PRMT8: variants seen among roughly 807,000 people sequenced by gnomAD.
PRMT8 encodes protein arginine N-methyltransferase 8.
Under a neutral mutation model 47.1 loss-of-function variants are expected in PRMT8, and 7 were observed. The ratio of observed to expected loss-of-function variants is 0.15; its 90% CI spans 0.08 to 0.28. PRMT8 has a LOEUF of 0.28. Ranked by LOEUF, PRMT8 falls within the 10% of genes least tolerant of loss-of-function variation. The probability of loss-of-function intolerance (pLI) is 1.00; values close to 1 mark genes in which losing one functional copy is unlikely to be tolerated. For missense variants in PRMT8, 237 were observed against 505.4 expected, an observed-to-expected ratio of 0.47 and a Z score of 5.09; for synonymous variants, 188 against 186.5, an observed-to-expected ratio of 1.01 and a Z score of -0.07.
chr12:3,437,338 T>C (rs1304776897), intron 1 of PRMT8, among the ~76,000 whole-genome samples: 2 of 152,206 alleles, frequency 1.3e-5, no homozygotes, highest in South Asian at 2.1e-4. Flanking sequence ...ATGGGTATTG[T>C]ACAATTTAGT....
Position 3,540,626 on chromosome 12 carries a change from GC to G in PRMT8, c.103del (p.Gln35SerfsTer31), listed in dbSNP as rs752965318. On this transcript the variant is annotated frameshift_variant, in exon 2 of 10. Coordinates refer to ENST00000382622, the MANE Select transcript of PRMT8 (RefSeq NM_019854.5). LOFTEE classifies it high-confidence loss of function. Reference sequence around the variant, plus strand: ...CTCAGGTGAACAGCCCCCCCTCCCAGCCCCCCCAGCCCGTCGTCCCTGCTAA... The same window carrying G: ...CTCAGGTGAACAGCCCCCCCTCCCAGCCCCCCAGCCCGTCGTCCCTGCTAA... Reference protein sequence around the residue: ...STEVNSPPSQPPQPVVPAKPV... With the variant: ...STEVNSPPSQXPQPVVPAKPV... 2.2e-5 allele frequency: 9 copies of G among 404,370 alleles called. No homozygotes were observed. The highest frequency in any genetic ancestry group is 3.8e-5 in the Non-Finnish European group (9 of 236,902). The allele number at this position is 404,370 out of a possible 1,614,324, so 25.0% of individuals were successfully genotyped here.
chr12:3,510,554 A>G (rs1176847556), intron 1 of PRMT8, among the ~76,000 whole-genome samples: 1 of 152,134 alleles, frequency 6.6e-6, no homozygotes, highest in Non-Finnish European at 1.5e-5. Context: ...TCAATGAAAA[A>G]ATTAAATTGA....
chr12:3,568,196 A>G (rs1382648879), intron 4 of PRMT8, among the ~76,000 whole-genome samples: 1 of 152,182 alleles, frequency 6.6e-6, no homozygotes, highest in Admixed American at 6.5e-5. Flanking sequence ...TATATTTACC[A>G]CTCACTGAGT....
rs1864311252 is a variant in PRMT8 at position 3,401,132 on chromosome 12, A to AGC, written c.48+19692_48+19693dup. Among the ~76,000 whole-genome samples the AGC allele has an allele frequency of 3.7e-5, 5 of 133,840 alleles. No individual in the cohort carries two copies. The South Asian group carries it at 1.3e-3, about 34-fold the overall frequency. 87.8% of individuals were successfully genotyped at this position (133,840 alleles called of 152,430 possible). On this transcript the variant is annotated intron_variant, in intron 1 of 9. Transcript: ENST00000452611. ...ATTACACTCCAGCCTGGACAACAAG[A>AGC]GCGAAACTCCATCTCAAAAAAAAAA...
chr12:3,428,960 CTCTA>C (rs1565405306), intron 1 of PRMT8, among the ~76,000 whole-genome samples: 1 of 151,162 alleles, frequency 6.6e-6, no homozygotes, highest in Non-Finnish European at 1.5e-5. Flanking sequence ...CTCCGCCTCT[CTCTA>C]TCTCTTTCCT....
upstream of PRMT8, among the ~76,000 whole-genome samples, chr12:3,486,498 T>C (rs1020533839): frequency 6.6e-6 from 1 of 152,118 alleles, no homozygotes; most frequent in Non-Finnish European, 1.5e-5. Context: ...GAAAAAAATA[T>C]GTATTAAGTT....
intron 1 of PRMT8, among the ~76,000 whole-genome samples, chr12:3,505,067 CGGTG>C (rs1565424889): frequency 9.4e-5 from 13 of 138,660 alleles, no homozygotes; most frequent in African/African-American, 3.3e-4. Context: ...GGCTCGCGCA[CGGTG>C]CGCACACACA....
chr12:3,452,547 G>T (rs1482214788), intron 1 of PRMT8, among the ~76,000 whole-genome samples: 8 of 152,210 alleles, frequency 5.3e-5, no homozygotes, highest in Admixed American at 3.9e-4. Context: ...CAGAACCTGG[G>T]TTAGGTGGCC....
chr12:3,396,198 T>C (rs1209278260), intron 1 of PRMT8, among the ~76,000 whole-genome samples: 1 of 152,208 alleles, frequency 6.6e-6, no homozygotes, highest in Non-Finnish European at 1.5e-5. Flanking sequence ...AATTGGAGCA[T>C]TTAGTCCATT....
intron 1 of PRMT8, among the ~76,000 whole-genome samples, chr12:3,390,078 G>T (rs547169708): frequency 2.0e-5 from 3 of 152,364 alleles, no homozygotes; most frequent in Non-Finnish European, 4.4e-5. Context: ...GAGAGAGAGT[G>T]GGGAGAAGAA....
chr12:3,427,625 G>T (rs1373956354), intron 1 of PRMT8, among the ~76,000 whole-genome samples: 1 of 151,526 alleles, frequency 6.6e-6, no homozygotes, highest in Non-Finnish European at 1.5e-5. Flanking sequence ...TTACATTCGG[G>T]AGGCCTAATT....
chr12:3,421,328 G>A (rs1016066512), intron 1 of PRMT8, among the ~76,000 whole-genome samples: 40 of 152,286 alleles, frequency 2.6e-4, no homozygotes, highest in African/African-American at 9.4e-4. Context: ...GCTTCCTCTG[G>A]GTTAGGCACA....
At chr12:3,459,855 C>A (rs545176422) in intron 1 of PRMT8, among the ~76,000 whole-genome samples, 2 of 152,114 alleles carry the variant, frequency 1.3e-5, no homozygotes, top group African/African-American at 4.8e-5. Flanking sequence ...GGGGTGAGGA[C>A]GGAATCTCTT....
At chr12:3,588,137 A>C (rs1867221358) in intron 8 of PRMT8, among the ~76,000 whole-genome samples, 1 of 152,206 alleles carries the variant, frequency 6.6e-6, no homozygotes, top group African/African-American at 2.4e-5. Context: ...GGCAGATCAG[A>C]CATTGGAAAG....
At chr12:3,587,990 T>C (rs1591618072) in intron 8 of PRMT8, among the ~76,000 whole-genome samples, 1 of 150,872 alleles carries the variant, frequency 6.6e-6, no homozygotes, top group Non-Finnish European at 1.5e-5. Flanking sequence ...CTCAGTGGGG[T>C]GGGGGTAGAA....
chr12:3,552,614 A>G lies in PRMT8; in HGVS notation c.418-1037A>G. On this transcript the variant is annotated intron_variant, in intron 3 of 9. Transcript: ENST00000382622. The surrounding 1 kb of genome is among the most constrained non-coding windows in gnomAD (Gnocchi z 4.5). Reference sequence around the variant, plus strand: ...AGGCCAGGGACCTGGCAGCCCAGGAAAGGGCTGGTTCTCCTGGGACCTGCA... The same window carrying G: ...AGGCCAGGGACCTGGCAGCCCAGGAGAGGGCTGGTTCTCCTGGGACCTGCA... 2.5e-6 allele frequency: 1 copy of G among 398,986 alleles called. No homozygotes were observed. The highest frequency in any genetic ancestry group is 5.1e-6 in the Non-Finnish European group (1 of 196,400). 24.7% of individuals were successfully genotyped at this position (398,986 alleles called of 1,614,324 possible).
rs1866399659 is a variant in PRMT8, at chr12:3,550,607, T to G, written c.417+516T>G. The G allele has an allele frequency of 6.6e-6, 1 of 152,550 alleles. No homozygotes were observed. The highest frequency in any genetic ancestry group is 1.5e-5 in the Non-Finnish European group (1 of 68,272). 9.4% of individuals were successfully genotyped at this position (152,550 alleles called of 1,614,324 possible). ...AAAACAGTGCCCAGCATATGGCAAATGCTCGGCGTCTATTATTATAGTTGA... is the reference window on the plus strand; with the variant it reads ...AAAACAGTGCCCAGCATATGGCAAAGGCTCGGCGTCTATTATTATAGTTGA... On this transcript the variant is annotated intron_variant, in intron 3 of 9. Coordinates refer to ENST00000382622, the MANE Select transcript of PRMT8 (RefSeq NM_019854.5). The surrounding 1 kb of genome is among the most constrained non-coding windows in gnomAD (Gnocchi z 5.1).
chr12:3,387,268 A>G (rs1034415235), intron 1 of PRMT8, among the ~76,000 whole-genome samples: 1 of 152,244 alleles, frequency 6.6e-6, no homozygotes, highest in African/African-American at 2.4e-5. Flanking sequence ...TCAGCGGATG[A>G]AAGAGGATGT....
intron 1 of PRMT8, among the ~76,000 whole-genome samples, chr12:3,532,643 A>G (rs890971516): frequency 3.0e-5 from 4 of 134,488 alleles, no homozygotes; most frequent in African/African-American, 5.4e-5. Flanking sequence ...AAAAAAAAAG[A>G]GCTCTCTCTT....
Sources: allele counts gnomAD v4.1 joint callset (sites outside exome capture counted in the v4.1 genomes callset), GRCh38; gene constraint gnomAD v4.1.1; non-coding constraint Gnocchi (gnomAD v3.1); transcripts MANE v1.5; gene names NCBI Gene and HGNC (gene_info 2026-07-23, HGNC 2026-07-21).